Variants in DNAAF5 observed in about 807,000 individuals in gnomAD.
DNAAF5 encodes HEAT repeat containing 2.
In DNAAF5, 64 loss-of-function variants were observed where a neutral mutation model predicts 75.8. The observed-to-expected ratio is 0.84, with a 90% confidence interval of 0.69 to 1.04. The LOEUF is 1.04. DNAAF5 is among the 50% of genes least tolerant of loss of function. DNAAF5 has a pLI of 0.00. For missense variants in DNAAF5, 1,269 were observed against 1,178.5 expected (o/e 1.08, Z -1.12); for synonymous variants, 657 against 557.2 (o/e 1.18, Z -2.52).
chr7:757,262 T>A (rs950568248), intron 6 of DNAAF5, among the ~76,000 whole-genome samples: 3 of 152,308 alleles, frequency 2.0e-5, no homozygotes, highest in Middle Eastern at 3.4e-3. Context: ...CAGCCCCAGC[T>A]GCAGGCGGCC....
chr7:770,402 C>A, intron 8 of DNAAF5, 69 bp from the exon 9 acceptor site: 1 of 1,492,448 alleles, frequency 6.7e-7, no homozygotes, highest in South Asian at 1.3e-5. Flanking sequence ...TGAGCCTGGG[C>A]CTGTGCTGGA....
chr7:751,839 G>A (rs564994333), intron 4 of DNAAF5, among the ~76,000 whole-genome samples: 8 of 152,300 alleles, frequency 5.3e-5, no homozygotes, highest in East Asian at 3.9e-4. Context: ...CTCGCAAAGT[G>A]CTGGGATTAC....
chr7:750,765 A>G (rs1782267551), intron 4 of DNAAF5: 2 of 164,082 alleles, frequency 1.2e-5, no homozygotes, highest in Admixed American at 1.3e-4. Context: ...ATTTCTTTGG[A>G]AACACCCAGA....
intron 11 of DNAAF5, among the ~76,000 whole-genome samples, chr7:779,627 G>A (rs1778870633): frequency 6.6e-6 from 1 of 152,080 alleles, no homozygotes; most frequent in Non-Finnish European, 1.5e-5. Flanking sequence ...GGAGGGCCAG[G>A]TGAGCACACA....
chr7:757,939 C>T (rs1782539394), intron 6 of DNAAF5, among the ~76,000 whole-genome samples: 3 of 152,246 alleles, frequency 2.0e-5, no homozygotes, highest in Admixed American at 6.5e-5. Context: ...GTCAGGCTCC[C>T]TCTCCGTCCT....
At chr7:747,068 A>T (rs1006359144) in intron 4 of DNAAF5, among the ~76,000 whole-genome samples, 3 of 152,232 alleles carry the variant, frequency 2.0e-5, no homozygotes, top group Non-Finnish European at 2.9e-5. Flanking sequence ...GTTTTTGGCC[A>T]TCACAGGTAA....
At chr7:745,031 T>C (rs1782039212) in intron 4 of DNAAF5, among the ~76,000 whole-genome samples, 1 of 152,228 alleles carries the variant, frequency 6.6e-6, no homozygotes, top group African/African-American at 2.4e-5. Context: ...GCTCTGTCAG[T>C]GCCTCTCCCT....
At chr7:759,089 G>C (rs1209841031) in intron 6 of DNAAF5, among the ~76,000 whole-genome samples, 2 of 152,174 alleles carry the variant, frequency 1.3e-5, no homozygotes, top group African/African-American at 4.8e-5. Context: ...ACGCCCCTGT[G>C]CTCTTCCCGC....
chr7:782,243 C>G (rs542043879), intron 12 of DNAAF5, among the ~76,000 whole-genome samples: 2 of 150,288 alleles, frequency 1.3e-5, no homozygotes, highest in African/African-American at 4.9e-5. Flanking sequence ...GCGTCAGAAA[C>G]TCGGATCTTC....
intron 2 of DNAAF5, among the ~76,000 whole-genome samples, chr7:736,129 T>C (rs922724297): frequency 2.0e-5 from 3 of 152,226 alleles, no homozygotes; most frequent in African/African-American, 4.8e-5. Flanking sequence ...GCCTAACATA[T>C]GGTCTGTCCT....
At chr7:740,493 A>G (rs1781869404) in intron 2 of DNAAF5, among the ~76,000 whole-genome samples, 1 of 152,186 alleles carries the variant, frequency 6.6e-6, no homozygotes, top group Admixed American at 6.5e-5. Flanking sequence ...CGGCTCAGGT[A>G]GCAGCTGGGA....
chr7:779,507 AC>A (rs1778867460), intron 11 of DNAAF5, among the ~76,000 whole-genome samples: 1 of 152,198 alleles, frequency 6.6e-6, no homozygotes, highest in African/African-American at 2.4e-5. Context: ...CAGAAAACTG[AC>A]CACAGTAGGG....
chr7:746,141 C>G (rs2128074924), intron 4 of DNAAF5, among the ~76,000 whole-genome samples: 1 of 152,294 alleles, frequency 6.6e-6, no homozygotes, highest in South Asian at 2.1e-4. Context: ...AATGTCAGAT[C>G]AGAAGATTTT....
At chr7:784,251 C>G (rs557150428) in intron 12 of DNAAF5, among the ~76,000 whole-genome samples, 1 of 152,232 alleles carries the variant, frequency 6.6e-6, no homozygotes, top group Non-Finnish European at 1.5e-5. Context: ...GGGCCCCTCA[C>G]TGCTCCTCTG....
At chr7:746,553 C>T (rs901962909) in intron 4 of DNAAF5, among the ~76,000 whole-genome samples, 3 of 149,136 alleles carry the variant, frequency 2.0e-5, no homozygotes, top group African/African-American at 7.4e-5. Context: ...TTTCCCCCGC[C>T]CGCCGTGCCC....
rs139756611 is a variant in DNAAF5 at position 754,647 on chromosome 7, C to T, written c.1083C>T (p.Leu361=). Residue 361 remains leucine, a synonymous_variant, in exon 5 of 13, where the codon CTC becomes CTT. Transcript: ENST00000297440. The surrounding 1 kb of genome is among the most constrained non-coding windows in gnomAD (Gnocchi z 4.8). The part of the protein sequence containing the change: ...ELVFRNLSKI[L]PALCHDITDW... ...TCTTCAGGAACCTCTCCAAGATCCT[C>T]CCTGCCCTGTGCCACGACATCACCG... The T allele has an allele frequency of 1.9e-6, 3 of 1,614,048 alleles. No individual in the cohort carries two copies. Among genetic ancestry groups the T allele is most frequent in the African/African-American group, 1.3e-5 (1 of 74,922 alleles).
At chr7:751,735 G>C (rs1363028098) in intron 4 of DNAAF5, among the ~76,000 whole-genome samples, 1 of 151,982 alleles carries the variant, frequency 6.6e-6, no homozygotes, top group African/African-American at 2.4e-5. Flanking sequence ...AGCACGACCG[G>C]CTTATTTTTT....
At chr7:768,275 A>G (rs1778412841) in intron 8 of DNAAF5, among the ~76,000 whole-genome samples, 1 of 146,400 alleles carries the variant, frequency 6.8e-6, no homozygotes, top group Non-Finnish European at 1.5e-5. Context: ...TAGCGCTGGG[A>G]GGGGAGACAC....
In DNAAF5 at chr7:754,499, C is replaced by A; in HGVS notation, c.1025-90C>A. The A allele has an allele frequency of 9.4e-7, 1 of 1,063,828 alleles. No individual in the cohort carries two copies. Among genetic ancestry groups the A allele is most frequent in the Non-Finnish European group, 1.4e-6 (1 of 697,460 alleles). 65.9% of individuals were successfully genotyped at this position (1,063,828 alleles called of 1,614,324 possible). ...TTTGAAATGGTGAGGTTGAAACTCA[C>A]AGGTGTCCCTTAAATGTGATGTGCG... is the stretch of plus-strand genomic sequence containing the variant. On this transcript the variant is annotated intron_variant, in intron 4 of 12. Coordinates refer to ENST00000297440, the MANE Select transcript of DNAAF5 (RefSeq NM_017802.4). The surrounding 1 kb of genome is among the most constrained non-coding windows in gnomAD (Gnocchi z 4.8).
Sources: allele counts gnomAD v4.1 joint callset (sites outside exome capture counted in the v4.1 genomes callset), GRCh38; gene constraint gnomAD v4.1.1; non-coding constraint Gnocchi (gnomAD v3.1); transcripts MANE v1.5; gene names NCBI Gene and HGNC (gene_info 2026-07-23, HGNC 2026-07-21).